OSBPL1A: variants seen among roughly 807,000 people sequenced by gnomAD.
The protein encoded by OSBPL1A is oxysterol binding protein like 1A.
In OSBPL1A, 80 loss-of-function variants were observed where a neutral mutation model predicts 137.1. The observed-to-expected ratio is 0.58, with a 90% CI of 0.49 to 0.70. The LOEUF is 0.70. Ranked by LOEUF, OSBPL1A falls within the 30% of genes least tolerant of loss-of-function variation. The pLI is 0.00. For synonymous variants in OSBPL1A, 365 were observed against 389.7 expected (o/e 0.94, Z 0.75); for missense variants, 970 against 1,129.4 (o/e 0.86, Z 2.02).
At chr18:24,327,704 T>C (rs903622500) in intron 7 of OSBPL1A, among the ~76,000 whole-genome samples, 3 of 152,084 alleles carry the variant, frequency 2.0e-5, no homozygotes, top group Non-Finnish European at 4.4e-5. Context: ...CCACCACTCC[T>C]GGCCTGATTT....
intron 17 of OSBPL1A, chr18:24,218,501 T>A (rs1019272575): frequency 6.6e-6 from 1 of 152,352 alleles, no homozygotes; most frequent in Non-Finnish European, 1.5e-5. Flanking sequence ...TGGAGAGCAG[T>A]GGGGTGCTTT....
At chr18:24,282,356 C>T (rs1459218118) in intron 14 of OSBPL1A, among the ~76,000 whole-genome samples, 1 of 152,120 alleles carries the variant, frequency 6.6e-6, no homozygotes, top group East Asian at 1.9e-4. Context: ...GCTAACATAT[C>T]TGAAAACAGC....
chr18:24,338,239 ATT>A (rs71375134), intron 5 of OSBPL1A, among the ~76,000 whole-genome samples: 3 of 143,340 alleles, frequency 2.1e-5, no homozygotes, highest in Admixed American at 7.1e-5. Context: ...TGCCTGGCTA[ATT>A]TTTTTTTTTT....
At position 24,239,335 on chromosome 18, in the gene OSBPL1A, C is replaced by A. The variant is rs1272890098; in HGVS notation, c.1329G>T (p.Leu443Phe). The change falls in exon 16 of 28, where the codon TTG becomes TTT. Residue 443 changes from leucine (L) to phenylalanine (F), a missense_variant. Transcript: ENST00000319481. ...TGGCCAGCGTCTCCAGTGCTTCTGA[C>A]AAGATTTTGTTTTTTTCTTGCTCTT... Reference protein sequence around the residue: ...LEQEQEKNKILSEALETLATE... With the variant: ...LEQEQEKNKIFSEALETLATE... 4 of 1,613,892 alleles carry A rather than the reference C, an allele frequency of 2.5e-6. No homozygotes were observed. The highest frequency in any genetic ancestry group is 3.4e-6 in the Non-Finnish European group (4 of 1,179,960).
At chr18:24,186,293 C>T (rs981395364) in intron 18 of OSBPL1A, among the ~76,000 whole-genome samples, 4 of 151,980 alleles carry the variant, frequency 2.6e-5, no homozygotes, top group Non-Finnish European at 5.9e-5. Context: ...GTACTAGACA[C>T]AAACAATGTT....
intron 15 of OSBPL1A, among the ~76,000 whole-genome samples, chr18:24,266,800 C>T (rs755269337): frequency 1.5e-4 from 22 of 147,654 alleles, no homozygotes; most frequent in African/African-American, 2.4e-4. Flanking sequence ...GATACATTCA[C>T]GAAATTACAA....
intron 17 of OSBPL1A, among the ~76,000 whole-genome samples, chr18:24,198,476 T>C (rs879777865): frequency 6.6e-6 from 1 of 152,186 alleles, no homozygotes; most frequent in Non-Finnish European, 1.5e-5. Context: ...GCAACATTCA[T>C]TACCTATTCA....
At chr18:24,380,619 G>A (rs185677909) in intron 1 of OSBPL1A, among the ~76,000 whole-genome samples, 21 of 152,340 alleles carry the variant, frequency 1.4e-4, no homozygotes, top group African/African-American at 5.1e-4. Context: ...CCTGTTTCCA[G>A]TGCTCGCACA....
At chr18:24,286,765 G>A (rs2146081374) in intron 14 of OSBPL1A, among the ~76,000 whole-genome samples, 1 of 152,292 alleles carries the variant, frequency 6.6e-6, no homozygotes, top group South Asian at 2.1e-4. Flanking sequence ...GATAGTTTCA[G>A]AATTATGATC....
Position 24,178,102 on chromosome 18 carries a change from G to A in OSBPL1A, c.2004C>T (p.Ile668=), listed in dbSNP as rs924149914. 6.2e-7 allele frequency: 1 copy of A among 1,609,130 alleles called. No individual in the cohort carries two copies. The highest frequency in any genetic ancestry group is 1.1e-5 in the South Asian group (1 of 90,938). The part of the protein sequence containing the change: ...FHAEGLNNDF[I]FHGSIYPKLK... ...GTTTGGGATAGATAGAGCCATGAAA[G>A]ATGAAGTCATTGTTTAATCCTTCAG... The change falls in exon 21 of 28, where the codon ATC becomes ATT. Residue 668 remains isoleucine, a synonymous_variant. Transcript: ENST00000319481.
chr18:24,178,861 G>A (rs1273525023), intron 20 of OSBPL1A, among the ~76,000 whole-genome samples: 2 of 151,810 alleles, frequency 1.3e-5, no homozygotes, highest in Non-Finnish European at 2.9e-5. Context: ...GAGAAGAGGA[G>A]GAACGCATAG....
chr18:24,336,271 GGAAAA>G, intron 5 of OSBPL1A, among the ~76,000 whole-genome samples: 3 of 152,258 alleles, frequency 2.0e-5, no homozygotes, highest in Admixed American at 2.0e-4. Context: ...TTTTAGGGAA[GGAAAA>G]GAAAAGATAC....
intron 17 of OSBPL1A, among the ~76,000 whole-genome samples, chr18:24,204,554 GT>G (rs2087314808): frequency 1.0e-5 from 1 of 95,814 alleles, no homozygotes; most frequent in Admixed American, 1.3e-4. Flanking sequence ...CCCTAAAGCT[GT>G]TTCTTTTTTT....
intron 7 of OSBPL1A, among the ~76,000 whole-genome samples, chr18:24,326,185 C>CA (rs1383193988): frequency 1.3e-5 from 2 of 152,140 alleles, no homozygotes; most frequent in African/African-American, 4.8e-5. Context: ...GAAGTACTTT[C>CA]CATAAGGTGA....
chr18:24,266,055 T>G (rs1296009774), intron 15 of OSBPL1A, among the ~76,000 whole-genome samples: 2 of 152,180 alleles, frequency 1.3e-5, no homozygotes, highest in Non-Finnish European at 2.9e-5. Context: ...ACCTGTGATG[T>G]AGAAAGAAAG....
intron 18 of OSBPL1A, 67 bp from the exon 19 acceptor site, chr18:24,181,346 T>C (rs1235810317): frequency 4.7e-6 from 7 of 1,496,948 alleles, no homozygotes; most frequent in Middle Eastern, 3.7e-4. Context: ...TTGTTATCTT[T>C]ACATAACATC....
chr18:24,242,214 C>T (rs897634131), intron 15 of OSBPL1A, among the ~76,000 whole-genome samples: 1 of 151,274 alleles, frequency 6.6e-6, no homozygotes. Context: ...CACCATGGCA[C>T]ATGTATACCA....
intron 18 of OSBPL1A, among the ~76,000 whole-genome samples, chr18:24,189,274 T>A (rs1338128641): frequency 6.6e-6 from 1 of 152,222 alleles, no homozygotes; most frequent in Admixed American, 6.5e-5. Context: ...ATTGTATAAA[T>A]GTAAAGTCAA....
intron 2 of OSBPL1A, among the ~76,000 whole-genome samples, chr18:24,376,619 G>A (rs1324408060): frequency 1.3e-5 from 2 of 152,248 alleles, no homozygotes; most frequent in African/African-American, 4.8e-5. Flanking sequence ...ACTGGGCGCT[G>A]TGGAGCAGGG....
Sources: allele counts gnomAD v4.1 joint callset (sites outside exome capture counted in the v4.1 genomes callset), GRCh38; gene constraint gnomAD v4.1.1; transcripts MANE v1.5; gene names NCBI Gene and HGNC (gene_info 2026-07-23, HGNC 2026-07-21).